The following ACTR2 variants were observed in gnomAD, a reference collection of about 807,000 sequenced individuals.
ACTR2 encodes the protein actin-related protein 2.
ACTR2 carries 5 observed loss-of-function variants against 50.2 expected under a neutral mutation model. The observed-to-expected ratio is 0.10, with a 90% CI of 0.05 to 0.21. The LOEUF is 0.21. Among genes scored for constraint, ACTR2 ranks in the 10% least tolerant of loss-of-function variants. The pLI is 1.00. For synonymous variants in ACTR2, 140 were observed against 162.9 expected (o/e 0.86, Z 1.07); for missense variants, 180 against 480.6 (o/e 0.37, Z 5.85).
intron 4 of ACTR2, 135 bp downstream of exon 4, chr2:65,251,234 ATTT>A (rs1248377617): frequency 8.9e-6 from 4 of 448,480 alleles, no homozygotes; most frequent in African/African-American, 6.1e-5. Flanking sequence ...ACTTTGAAAT[ATTT>A]TCAGTTTTTA....
intron 8 of ACTR2, among the ~76,000 whole-genome samples, chr2:65,267,922 C>T (rs1485822968): frequency 2.4e-5 from 3 of 124,992 alleles, no homozygotes; most frequent in African/African-American, 9.0e-5. Context: ...CTGCAAGCTC[C>T]ACCTCCCAGG....
intron 6 of ACTR2, among the ~76,000 whole-genome samples, chr2:65,256,890 A>T (rs954166333): frequency 6.6e-6 from 1 of 151,824 alleles, no homozygotes; most frequent in African/African-American, 2.4e-5. Flanking sequence ...AAAAAAAAAA[A>T]AAAAAGTTAA....
At chr2:65,250,917 C>T (rs2104002815) in intron 3 of ACTR2, 110 bp from the exon 4 acceptor site, 1 of 591,318 alleles carries the variant, frequency 1.7e-6, no homozygotes, top group Non-Finnish European at 2.8e-6. Flanking sequence ...ATTTCAGGTC[C>T]ATTTGATTCT....
At chr2:65,246,930 A>G (rs1013420056) in intron 3 of ACTR2, among the ~76,000 whole-genome samples, 191 bp downstream of exon 3, 1 of 152,134 alleles carries the variant, frequency 6.6e-6, no homozygotes, top group African/African-American at 2.4e-5. Flanking sequence ...AAAAAATCCT[A>G]CTGCCATGGA....
intron 1 of ACTR2, among the ~76,000 whole-genome samples, chr2:65,233,477 A>AC: frequency 6.6e-6 from 1 of 151,400 alleles, no homozygotes; most frequent in Non-Finnish European, 1.5e-5. Flanking sequence ...CAACAGCGAG[A>AC]CCCCTGTCTC....
At chr2:65,237,835 C>A (rs1337039149) in intron 1 of ACTR2, among the ~76,000 whole-genome samples, 1 of 152,026 alleles carries the variant, frequency 6.6e-6, no homozygotes, top group Non-Finnish European at 1.5e-5. Flanking sequence ...AAAGAATTAC[C>A]TGGGCGTGGT....
chr2:65,260,277 G>A (rs1672242851), intron 6 of ACTR2, among the ~76,000 whole-genome samples: 1 of 152,196 alleles, frequency 6.6e-6, no homozygotes, highest in Admixed American at 6.5e-5. Flanking sequence ...GGAGGTTGAG[G>A]CGAGCAGATC....
intron 8 of ACTR2, among the ~76,000 whole-genome samples, chr2:65,266,291 G>A (rs939198958): frequency 6.6e-6 from 1 of 152,178 alleles, no homozygotes; most frequent in African/African-American, 2.4e-5. Flanking sequence ...ATCAGGAAAG[G>A]CCTTTTGGAT....
At chr2:65,252,522 G>C (rs542379531) in intron 4 of ACTR2, among the ~76,000 whole-genome samples, 2 of 152,052 alleles carry the variant, frequency 1.3e-5, no homozygotes, top group Non-Finnish European at 2.9e-5. Context: ...GCATGTGCCT[G>C]TAATCCCAGC....
intron 6 of ACTR2, among the ~76,000 whole-genome samples, chr2:65,256,527 C>T (rs1204293652): frequency 6.6e-6 from 1 of 152,156 alleles, no homozygotes; most frequent in Non-Finnish European, 1.5e-5. Flanking sequence ...CATACTAGCT[C>T]TACATATTCA....
chr2:65,247,873 G>A (rs1671968105), intron 3 of ACTR2, among the ~76,000 whole-genome samples: 1 of 152,144 alleles, frequency 6.6e-6, no homozygotes, highest in African/African-American at 2.4e-5. Flanking sequence ...GGAGTGGGAG[G>A]TTGTAATTGT....
Position 65,260,040 on chromosome 2 carries a change from G to A in ACTR2, c.736-1207G>A, listed in dbSNP as rs532608104. On this transcript the variant is annotated intron_variant, in intron 6 of 8. Transcript: ENST00000260641. ...CTTAAAATGTATTAGGACCTAGTAG[G>A]ATACAACAGAATTGCCTAATAAAAA... Among the ~76,000 whole-genome samples, 6 of 152,218 alleles carry A rather than the reference G, an allele frequency of 3.9e-5. No individual in the cohort carries two copies. The East Asian group carries it at 7.7e-4, about 20-fold the overall frequency.
intron 1 of ACTR2, among the ~76,000 whole-genome samples, chr2:65,236,077 G>A (rs913372721): frequency 1.3e-5 from 2 of 152,232 alleles, no homozygotes; most frequent in South Asian, 2.1e-4. Flanking sequence ...AAGTGGGGCC[G>A]GGTGCGGTGG....
At chr2:65,238,815 A>G (rs998246831) in intron 1 of ACTR2, among the ~76,000 whole-genome samples, 1 of 151,668 alleles carries the variant, frequency 6.6e-6, no homozygotes. Flanking sequence ...TAAAAATGCA[A>G]AAATTAGCTG....
At chr2:65,237,471 G>A (rs894479381) in intron 1 of ACTR2, among the ~76,000 whole-genome samples, 5 of 151,968 alleles carry the variant, frequency 3.3e-5, no homozygotes, top group Non-Finnish European at 7.4e-5. Flanking sequence ...CGAGCTTCTG[G>A]GCTCAAGTGA....
intron 1 of ACTR2, among the ~76,000 whole-genome samples, chr2:65,233,117 C>A (rs1439022825): frequency 1.3e-5 from 2 of 151,840 alleles, no homozygotes; most frequent in African/African-American, 2.4e-5. Flanking sequence ...GCCTCAGCCT[C>A]CCCAGTAGCT....
At chr2:65,230,910 C>T (rs185475417) in intron 1 of ACTR2, among the ~76,000 whole-genome samples, 1 of 151,780 alleles carries the variant, frequency 6.6e-6, no homozygotes, top group Non-Finnish European at 1.5e-5. Flanking sequence ...AAAAATTAGC[C>T]GGGTGTGGTT....
chr2:65,227,967 G>C lies in ACTR2; in HGVS notation c.48+10G>C. On this transcript the variant is annotated intron_variant, in intron 1 of 8. Coordinates refer to ENST00000260641, the MANE Select transcript of ACTR2 (RefSeq NM_005722.4). ...CGACAACGGCACCGGGGTAAGGGCC[G>C]CGCGAGGAGGCCTTGGCGGCCACAG... is the stretch of plus-strand genomic sequence containing the variant. The C allele has an allele frequency of 6.7e-7, 1 of 1,503,120 alleles. No homozygotes were observed. The highest frequency in any genetic ancestry group is 8.9e-7 in the Non-Finnish European group (1 of 1,127,160). 93.1% of individuals were successfully genotyped at this position (1,503,120 alleles called of 1,614,324 possible).
At chr2:65,265,688 G>C (rs1220545731) in intron 8 of ACTR2, among the ~76,000 whole-genome samples, 1 of 152,168 alleles carries the variant, frequency 6.6e-6, no homozygotes, top group Non-Finnish European at 1.5e-5. Flanking sequence ...ATTGGTTGTT[G>C]TTGGTATGTA....
Sources: gnomAD v4.1 joint callset for allele counts (sites outside exome capture counted in the v4.1 genomes callset) on GRCh38, gnomAD v4.1.1 for gene constraint, MANE v1.5 for transcripts, NCBI Gene and HGNC (gene_info 2026-07-23, HGNC 2026-07-21) for gene names.